Variants in ANKFY1 observed in about 807,000 individuals in gnomAD.
ANKFY1 encodes the protein ankyrin repeat and FYVE domain containing 1.
In ANKFY1, 47 loss-of-function variants were observed where a neutral mutation model predicts 128.3. That is an observed-to-expected ratio of 0.37 (90% CI 0.29 to 0.47). The LOEUF (loss-of-function observed/expected upper bound fraction) is 0.47, where lower values mean the gene tolerates loss of function less well. ANKFY1 is among the 20% of genes least tolerant of loss of function. The pLI is 1.00. For missense variants in ANKFY1, 1,222 were observed against 1,510.6 expected (o/e 0.81, Z 3.17); for synonymous variants, 553 against 601.6 (o/e 0.92, Z 1.18).
chr17:4,215,162 G>C (rs1044875189), intron 4 of ANKFY1, among the ~76,000 whole-genome samples: 5 of 151,732 alleles, frequency 3.3e-5, no homozygotes, highest in Admixed American at 3.3e-4. Context: ...GGTGGCAGTC[G>C]TCTGTAATCC....
Position 4,164,129 on chromosome 17 carries a change from C to G in ANKFY1, c.*3650G>C, listed in dbSNP as rs1380763455. 1 of 152,600 alleles carries G rather than the reference C, an allele frequency of 6.6e-6. No homozygotes were observed. Among genetic ancestry groups the G allele is most frequent in the Non-Finnish European group, 1.5e-5 (1 of 68,044 alleles). The allele number at this position is 152,600 out of a possible 1,614,324, so 9.5% of individuals were successfully genotyped here. ...CAGTTTCTGCCCAGCTACTGCCCCT[C>G]CTCTGGGATCACACAGGGATGTCGT... On this transcript the variant is annotated 3_prime_UTR_variant, in exon 25 of 25. Transcript: ENST00000341657.
intron 15 of ANKFY1, 131 bp downstream of exon 15, chr17:4,182,050 A>G: frequency 1.0e-6 from 1 of 977,056 alleles, no homozygotes; most frequent in Non-Finnish European, 1.4e-6. Flanking sequence ...ACATGCTTTC[A>G]ACTGCTTGTC....
At chr17:4,251,513 T>A in intron 1 of ANKFY1, among the ~76,000 whole-genome samples, 1 of 144,606 alleles carries the variant, frequency 6.9e-6, no homozygotes. Context: ...ACAGGTAAAA[T>A]TTTTAAAAAT....
chr17:4,210,224 C>T (rs188014433), intron 4 of ANKFY1, among the ~76,000 whole-genome samples: 52 of 152,352 alleles, frequency 3.4e-4, no homozygotes, highest in Non-Finnish European at 5.6e-4. Flanking sequence ...TAACAGCACA[C>T]ATACGACACC....
chr17:4,255,197 A>G (rs192377659), intron 1 of ANKFY1, among the ~76,000 whole-genome samples: 12 of 149,724 alleles, frequency 8.0e-5, no homozygotes, highest in African/African-American at 2.7e-4. Flanking sequence ...TAGTTCTTCT[A>G]TTCTAGCCAA....
At chr17:4,189,325 A>T in intron 11 of ANKFY1, 57 bp downstream of exon 11, 2 of 1,431,610 alleles carry the variant, frequency 1.4e-6, no homozygotes, top group Non-Finnish European at 1.9e-6. Flanking sequence ...CATATCCACC[A>T]CTGCCATTTC....
chr17:4,195,145 C>T lies in ANKFY1; in HGVS notation c.1205G>A (p.Ser402Asn), dbSNP rs2143009871. 2 of 1,611,882 alleles carry T rather than the reference C, an allele frequency of 1.2e-6. No individual in the cohort carries two copies. The highest frequency in any genetic ancestry group is 1.7e-6 in the Non-Finnish European group (2 of 1,178,222). ...CTGCACTGCCAGCCACAGAGCCGTG[C>T]TGCCCTCGTGGTCTTTGAGTTCTAA... is the stretch of plus-strand genomic sequence containing the variant. The part of the protein sequence containing the change: ...LDLELKDHEG[S>N]TALWLAVQHI... The change falls in exon 10 of 25, where the codon AGC (serine) becomes AAC (asparagine). Residue 402 changes from serine to asparagine, a missense_variant. Physicochemically the swap from Ser to Asn is conservative, Grantham distance 46. Coordinates refer to ENST00000341657, the MANE Select transcript of ANKFY1 (RefSeq NM_001330063.2).
At position 4,170,720 on chromosome 17, in the gene ANKFY1, A is replaced by G. The variant is rs2059301269; in HGVS notation, c.3281T>C (p.Leu1094Pro). 1 of 1,609,482 alleles carries G rather than the reference A, an allele frequency of 6.2e-7. No individual in the cohort carries two copies. The highest frequency in any genetic ancestry group is 8.5e-7 in the Non-Finnish European group (1 of 1,177,446). ...QVATKQLLFR[L>P]LDMLSKEPPW... is the part of the protein sequence containing the mutation. ...GCAGAGAGCGGGCCACTCACCCAGCAGTCGGAACAGGAGCTGCTTGGTGGC... is the reference window on the plus strand; with the variant it reads ...GCAGAGAGCGGGCCACTCACCCAGCGGTCGGAACAGGAGCTGCTTGGTGGC... Residue 1094 changes from leucine to proline, a missense_variant, in exon 23 of 25, where the codon CTG (leucine) becomes CCG (proline). Coordinates refer to ENST00000341657, the MANE Select transcript of ANKFY1 (RefSeq NM_001330063.2).
chr17:4,242,681 C>A (rs978727286), intron 1 of ANKFY1, among the ~76,000 whole-genome samples: 2 of 152,150 alleles, frequency 1.3e-5, no homozygotes, highest in African/African-American at 4.8e-5. Context: ...ATCACTTGAG[C>A]CCAGGAGTTT....
intron 2 of ANKFY1, among the ~76,000 whole-genome samples, chr17:4,241,585 A>ACAGAAGCTG (rs1359153602): frequency 6.6e-6 from 1 of 151,694 alleles, no homozygotes; most frequent in Non-Finnish European, 1.5e-5. Context: ...TGAGCTTCTA[A>ACAGAAGCTG]CAGAAGCTGT....
chr17:4,168,415 T>G (rs2059251223), intron 24 of ANKFY1, among the ~76,000 whole-genome samples: 1 of 152,176 alleles, frequency 6.6e-6, no homozygotes, highest in Admixed American at 6.5e-5. Context: ...CTCGTGTCAC[T>G]GTACTCAGCC....
At chr17:4,248,334 C>T (rs60471932) in intron 1 of ANKFY1, among the ~76,000 whole-genome samples, 98 of 152,262 alleles carry the variant, frequency 6.4e-4, no homozygotes, top group African/African-American at 2.3e-3. Context: ...ACCGCGCATG[C>T]GAGGGATCTA....
At chr17:4,234,132 A>T (rs1176413208) in intron 3 of ANKFY1, among the ~76,000 whole-genome samples, 2 of 152,194 alleles carry the variant, frequency 1.3e-5, no homozygotes, top group Admixed American at 6.5e-5. Flanking sequence ...ACAGGGTTGT[A>T]GCCTAGAAGC....
At chr17:4,182,048 T>G (rs987218776) in intron 15 of ANKFY1, 133 bp downstream of exon 15, 4 of 961,812 alleles carry the variant, frequency 4.2e-6, no homozygotes, top group Non-Finnish European at 5.6e-6. Flanking sequence ...TAACATGCTT[T>G]CAACTGCTTG....
intron 3 of ANKFY1, among the ~76,000 whole-genome samples, chr17:4,231,905 C>G (rs1327005848): frequency 6.7e-6 from 1 of 149,752 alleles, no homozygotes; most frequent in Admixed American, 6.7e-5. Flanking sequence ...CCATGGCACT[C>G]TAGCCTGGGT....
At chr17:4,258,487 G>C (rs777429326) in intron 1 of ANKFY1, among the ~76,000 whole-genome samples, 1 of 148,792 alleles carries the variant, frequency 6.7e-6, no homozygotes, top group Non-Finnish European at 1.5e-5. Context: ...TCGCACCACT[G>C]CACTCCAGCC....
intron 3 of ANKFY1, chr17:4,222,235 C>A (rs1416959116): frequency 1.0e-5 from 4 of 385,492 alleles, no homozygotes; most frequent in Admixed American, 4.2e-5. Context: ...CCCGCGGACC[C>A]CGGAGCTGCA....
chr17:4,197,867 T>C (rs568709072), intron 7 of ANKFY1, among the ~76,000 whole-genome samples: 1 of 152,296 alleles, frequency 6.6e-6, no homozygotes, highest in South Asian at 2.1e-4. Context: ...CAGTGGCTCA[T>C]GCCTGTCGTC....
intron 1 of ANKFY1, among the ~76,000 whole-genome samples, chr17:4,243,659 G>A (rs967174052): frequency 6.6e-6 from 1 of 152,136 alleles, no homozygotes; most frequent in Non-Finnish European, 1.5e-5. Flanking sequence ...TTATTCCAGG[G>A]TCTGTAATCA....
Sources: gnomAD v4.1 joint callset for allele counts (sites outside exome capture counted in the v4.1 genomes callset) on GRCh38, gnomAD v4.1.1 for gene constraint, MANE v1.5 for transcripts, NCBI Gene and HGNC (gene_info 2026-07-23, HGNC 2026-07-21) for gene names.